CCNYL1: variants seen among roughly 807,000 people sequenced by gnomAD.
CCNYL1 encodes the protein cyclin-Y-like protein 1.
A neutral mutation model predicts 44.2 loss-of-function variants in CCNYL1; 16 were observed. That is an observed-to-expected ratio of 0.36 (90% CI 0.25 to 0.55). The LOEUF is 0.55. Ranked by LOEUF, CCNYL1 falls within the 20% of genes least tolerant of loss-of-function variation. The pLI is 0.85. For missense variants in CCNYL1, 348 were observed against 451.8 expected (o/e 0.77, Z 2.08); for synonymous variants, 159 against 163.2 (o/e 0.97, Z 0.20).
In CCNYL1 at chr2:207,715,379, C is replaced by CTTTT. The variant is rs770646092; in HGVS notation, c.220+3282_220+3285dup. Among the ~76,000 whole-genome samples, 763 of 100,736 alleles carry CTTTT rather than the reference C, an allele frequency of 7.6e-3. 48 individuals are homozygous for CTTTT. The highest frequency in any genetic ancestry group is 0.023 in the Middle Eastern group (3 of 128). 66.1% of individuals were successfully genotyped at this position (100,736 alleles called of 152,430 possible). On this transcript the variant is annotated intron_variant, in intron 1 of 9. Coordinates refer to ENST00000295414, the MANE Select transcript of CCNYL1 (RefSeq NM_001330218.2). Reference sequence around the variant, plus strand: ...CTCGGCTTTGTTCTTCAAGCTATTTCTTTTTTTTTTTTTTTTTTTTTTGAC... The same window carrying CTTTT: ...CTCGGCTTTGTTCTTCAAGCTATTTCTTTTTTTTTTTTTTTTTTTTTTTTTTGAC...
intron 8 of CCNYL1, 76 bp from the exon 9 acceptor site, chr2:207,750,881 A>C: frequency 7.7e-7 from 1 of 1,296,024 alleles, no homozygotes; most frequent in Non-Finnish European, 1.1e-6. Flanking sequence ...CTAGTCTCTT[A>C]GAATGATATT....
intron 2 of CCNYL1, among the ~76,000 whole-genome samples, 153 bp downstream of exon 2, chr2:207,725,027 CT>C (rs2091669576): frequency 6.6e-6 from 1 of 151,610 alleles, no homozygotes; most frequent in South Asian, 2.1e-4. Context: ...ATATACTTTC[CT>C]TTAGTTGTGA....
intron 6 of CCNYL1, among the ~76,000 whole-genome samples, 164 bp downstream of exon 6, chr2:207,740,870 T>C (rs2663879): frequency 0.14 from 21,301 of 152,194 alleles, 2,389 homozygotes; most frequent in East Asian, 0.38. Context: ...ATTTAAAAAT[T>C]CACTTCCTCA....
At position 207,734,058 on chromosome 2, in the gene CCNYL1, C is replaced by T; in HGVS notation, c.431+11C>T. On this transcript the variant is annotated intron_variant, in intron 4 of 9. Coordinates refer to ENST00000295414, the MANE Select transcript of CCNYL1 (RefSeq NM_001330218.2). ...AACCACAGTAAAATGGTGAGTACAA[C>T]TAGGCTGCCAAGGGCTGAGTGACAG... The T allele has an allele frequency of 6.4e-7, 1 of 1,568,790 alleles. No homozygotes were observed. Among genetic ancestry groups the T allele is most frequent in the South Asian group, 1.1e-5 (1 of 89,900 alleles).
chr2:207,742,269 A>G lies in CCNYL1; in HGVS notation c.566A>G (p.Lys189Arg), dbSNP rs768211458. 1.2e-6 allele frequency: 2 copies of G among 1,613,044 alleles called. No individual in the cohort carries two copies. Among genetic ancestry groups the G allele is most frequent in the Non-Finnish European group, 8.5e-7 (1 of 1,179,842 alleles). ...EEYFKHDPEH[K>R]FIYRFVRTLF... The stretch of plus-strand genomic sequence containing the variant: ...TACTTTAAGCATGATCCTGAGCACA[A>G]ATTTATTTACAGATTTGTTCGTACT... Residue 189 changes from lysine (K) to arginine (R), a missense_variant, in exon 7 of 10, where the codon AAA becomes AGA. Lys to Arg is a conservative substitution (Grantham distance 26). Transcript: ENST00000295414.
At chr2:207,718,714 C>T (rs2091616683) in intron 1 of CCNYL1, among the ~76,000 whole-genome samples, 1 of 152,130 alleles carries the variant, frequency 6.6e-6, no homozygotes, top group African/African-American at 2.4e-5. Flanking sequence ...GAGTTGCATT[C>T]GTGTATTGCT....
intron 1 of CCNYL1, among the ~76,000 whole-genome samples, chr2:207,713,630 A>G (rs1301894681): frequency 6.6e-6 from 1 of 152,246 alleles, no homozygotes; most frequent in Non-Finnish European, 1.5e-5. Flanking sequence ...TTTGTTTCGT[A>G]TAAATGCCAG....
At chr2:207,722,084 T>C (rs2091644479) in intron 1 of CCNYL1, among the ~76,000 whole-genome samples, 1 of 151,148 alleles carries the variant, frequency 6.6e-6, no homozygotes, top group African/African-American at 2.4e-5. Context: ...TTTTTTTTTT[T>C]TTTTTTGAGA....
At chr2:207,741,634 C>T (rs2091810723) in intron 6 of CCNYL1, among the ~76,000 whole-genome samples, 2 of 151,956 alleles carry the variant, frequency 1.3e-5, no homozygotes, top group African/African-American at 4.8e-5. Flanking sequence ...ATCATGAGGT[C>T]AGGAGTTTGA....
At chr2:207,742,486 T>A in intron 7 of CCNYL1, 144 bp downstream of exon 7, 1 of 759,220 alleles carries the variant, frequency 1.3e-6, no homozygotes, top group East Asian at 2.6e-5. Context: ...AATACGTACA[T>A]TCGCGTTTAA....
At chr2:207,745,560 T>G (rs535149771) in intron 7 of CCNYL1, among the ~76,000 whole-genome samples, 1 of 152,344 alleles carries the variant, frequency 6.6e-6, no homozygotes, top group Non-Finnish European at 1.5e-5. Flanking sequence ...ATGTTCAATA[T>G]CCATTTTTGA....
chr2:207,752,790 A>G (rs1346500076), intron 9 of CCNYL1, among the ~76,000 whole-genome samples: 23 of 148,736 alleles, frequency 1.5e-4, no homozygotes, highest in Admixed American at 1.5e-3. Flanking sequence ...TCCTCCCAGC[A>G]CTTTGGGAGG....
chr2:207,751,801 C>T (rs1238708095), intron 9 of CCNYL1, among the ~76,000 whole-genome samples: 6 of 150,914 alleles, frequency 4.0e-5, no homozygotes, highest in Admixed American at 2.0e-4. Context: ...TTGTGGTGAG[C>T]TGAAATCGTG....
rs1215455416 is a variant in CCNYL1 at position 207,753,611 on chromosome 2, C to G, written c.993C>G (p.Asp331Glu). ...AGGCTATTTCTAGATTGTGTGAAGA[C>G]AAAGACTTGTGTAGAGCCGCTATGA... ...NLEAISRLCE[D>E]KDLCRAAMRR... Residue 331 changes from aspartate (D) to glutamate (E), a missense_variant, in exon 10 of 10, where the codon GAC (aspartate) becomes GAG (glutamate). Physicochemically the swap from Asp to Glu is conservative, Grantham distance 45 (BLOSUM62 2). This residue lies in a region of CCNYL1 where 94 missense variants were observed against 102.4 expected (regional missense o/e 0.92). Transcript: ENST00000295414. 1 of 1,612,738 alleles carries G rather than the reference C, an allele frequency of 6.2e-7. No individual in the cohort carries two copies. The highest frequency in any genetic ancestry group is 1.3e-5 in the African/African-American group (1 of 74,884).
Position 207,751,976 on chromosome 2 carries a change from A to G in CCNYL1, c.969+857A>G, listed in dbSNP as rs193282833. ...CTTGAACCTGGGAGGCGGAGGTTGC[A>G]GTGAGCCAAGATTGCACCGCTGCAC... On this transcript the variant is annotated intron_variant, in intron 9 of 9. Transcript: ENST00000295414. 4.4e-3 allele frequency among the ~76,000 whole-genome samples: 671 copies of G among 151,922 alleles called. 5 individuals are homozygous for G. Among genetic ancestry groups the G allele is most frequent in the African/African-American group, 0.015 (623 of 41,436 alleles).
chr2:207,733,447 C>T (rs1047807867), intron 3 of CCNYL1, among the ~76,000 whole-genome samples: 4 of 152,152 alleles, frequency 2.6e-5, no homozygotes, highest in African/African-American at 9.7e-5. Flanking sequence ...CAGACGAAGC[C>T]TCTGACTGTG....
chr2:207,718,299 A>G (rs936892099), intron 1 of CCNYL1, among the ~76,000 whole-genome samples: 25 of 152,058 alleles, frequency 1.6e-4, no homozygotes, highest in African/African-American at 5.6e-4. Context: ...GCTTGAGCCC[A>G]GGAGTGGGCT....
chr2:207,733,896 T>G, intron 3 of CCNYL1, 51 bp from the exon 4 acceptor site: 1 of 1,190,916 alleles, frequency 8.4e-7, no homozygotes, highest in Non-Finnish European at 1.2e-6. Context: ...AACCACACTT[T>G]TATAGGTTTA....
Position 207,753,641 on chromosome 2 carries a change from G to A in CCNYL1, c.1023G>A (p.Arg341=). Residue 341 remains arginine (R), a synonymous_variant, in exon 10 of 10, where the codon AGG becomes AGA. Coordinates refer to ENST00000295414, the MANE Select transcript of CCNYL1 (RefSeq NM_001330218.2). The part of the protein sequence containing the change: ...DKDLCRAAMR[R]SFSADNFIGI... ...ACTTGTGTAGAGCCGCTATGAGAAG[G>A]TCTTTCAGTGCTGATAACTTCATTG... is the stretch of plus-strand genomic sequence containing the variant. 6.2e-7 allele frequency: 1 copy of A among 1,613,696 alleles called. No individual in the cohort carries two copies.
Sources: gnomAD v4.1 joint callset for allele counts (sites outside exome capture counted in the v4.1 genomes callset) on GRCh38, gnomAD v4.1.1 for gene constraint, gnomAD v4.1.1 regional missense constraint, MANE v1.5 for transcripts, NCBI Gene and HGNC (gene_info 2026-07-23, HGNC 2026-07-21) for gene names.